SLC38A9: variants seen among roughly 807,000 people sequenced by gnomAD.
SLC38A9 encodes the protein neutral amino acid transporter 9.
In SLC38A9, 48 loss-of-function variants were observed where a neutral mutation model predicts 62.3. That is an observed-to-expected ratio of 0.77 (90% CI 0.61 to 0.98). SLC38A9 has a LOEUF of 0.98. Ranked by LOEUF, SLC38A9 falls within the 50% of genes least tolerant of loss-of-function variation. The pLI is 0.00. For synonymous variants in SLC38A9, 204 were observed against 227.7 expected (o/e 0.90, Z 0.94); for missense variants, 541 against 679.8 (o/e 0.80, Z 2.27).
rs1157691760 is a variant in SLC38A9, at chr5:55,651,248, C to CTTTTTTTT, written c.952+1273_952+1280dup. 4.6e-4 allele frequency among the ~76,000 whole-genome samples: 54 copies of CTTTTTTTT among 117,602 alleles called. 2 individuals are homozygous for CTTTTTTTT. Among genetic ancestry groups the CTTTTTTTT allele is most frequent in the African/African-American group, 1.7e-3 (52 of 30,680 alleles). 77.2% of individuals were successfully genotyped at this position (117,602 alleles called of 152,430 possible). A position where few individuals can be genotyped will look rare whatever the true frequency, so the allele number is the denominator to read the frequency against. On this transcript the variant is annotated intron_variant, in intron 10 of 15. Coordinates refer to ENST00000396865, the MANE Select transcript of SLC38A9 (RefSeq NM_173514.4). ...TCACTGGGGGGGTTCCTTTTGCCAT[C>CTTTTTTTT]TTTTTTTTTTTTTTTTTTTTAAGAC... is the stretch of plus-strand genomic sequence containing the variant.
intron 15 of SLC38A9, among the ~76,000 whole-genome samples, chr5:55,626,951 A>G (rs1195642437): frequency 6.6e-6 from 1 of 152,190 alleles, no homozygotes; most frequent in Non-Finnish European, 1.5e-5. Flanking sequence ...CTACTTCCTC[A>G]GAAACATCTG....
rs1751496032 is a variant in SLC38A9 at position 55,672,593 on chromosome 5, G to A, written c.216C>T (p.Ser72=). 6.2e-7 allele frequency: 1 copy of A among 1,614,080 alleles called. No homozygotes were observed. Among genetic ancestry groups the A allele is most frequent in the Non-Finnish European group, 8.5e-7 (1 of 1,180,018 alleles). Reference sequence around the variant, plus strand: ...CCTTGTCTGCAGGAGTGGTGAGCCGGCTGTAGTAATGAATTCTCTTGTTCA... The same window carrying A: ...CCTTGTCTGCAGGAGTGGTGAGCCGACTGTAGTAATGAATTCTCTTGTTCA... ...SAMNKRIHYY[S]RLTTPADKAL... The change falls in exon 4 of 16, where the codon AGC becomes AGT. Residue 72 remains serine, a synonymous_variant. Transcript: ENST00000396865.
intron 9 of SLC38A9, among the ~76,000 whole-genome samples, chr5:55,653,858 C>T (rs1747954043): frequency 6.6e-6 from 1 of 152,276 alleles, no homozygotes; most frequent in Middle Eastern, 3.4e-3. Context: ...GGGGTTTCAC[C>T]ATGCTGGCCA....
In SLC38A9 at chr5:55,669,037, C is replaced by A. The variant is rs1750881607; in HGVS notation, c.526+191G>T. 3 of 366,756 alleles carry A rather than the reference C, an allele frequency of 8.2e-6. No individual in the cohort carries two copies. The South Asian group carries it at 1.9e-4, about 23-fold the overall frequency. The allele number at this position is 366,756 out of a possible 1,614,324, so 22.7% of individuals were successfully genotyped here. On this transcript the variant is annotated intron_variant, in intron 7 of 15. Coordinates refer to ENST00000396865, the MANE Select transcript of SLC38A9 (RefSeq NM_173514.4). ...ACTCTGCAAATAACTCCCAGCTTCT[C>A]TGAATTTCAAAAGCAGCCACTAAAT...
chr5:55,679,224 T>C (rs1752661635), intron 3 of SLC38A9, among the ~76,000 whole-genome samples: 1 of 152,190 alleles, frequency 6.6e-6, no homozygotes, highest in Admixed American at 6.5e-5. Flanking sequence ...GTCTCATTTT[T>C]TTAAGATTGT....
intron 10 of SLC38A9, among the ~76,000 whole-genome samples, chr5:55,651,924 G>T (rs893808846): frequency 6.7e-6 from 1 of 149,556 alleles, no homozygotes; most frequent in Non-Finnish European, 1.5e-5. Flanking sequence ...GAATTGTTCA[G>T]TAAGTTTAGA....
chr5:55,689,620 C>T (rs989280179), intron 3 of SLC38A9, among the ~76,000 whole-genome samples: 9 of 152,090 alleles, frequency 5.9e-5, no homozygotes, highest in African/African-American at 1.9e-4. Flanking sequence ...CAATGCTAGC[C>T]CAACCCTTCA....
chr5:55,686,248 G>A (rs1753804961), intron 3 of SLC38A9, among the ~76,000 whole-genome samples: 1 of 152,158 alleles, frequency 6.6e-6, no homozygotes, highest in Non-Finnish European at 1.5e-5. Context: ...CACCAACAGT[G>A]TATAAGCCTT....
At chr5:55,678,717 C>T (rs534194086) in intron 3 of SLC38A9, among the ~76,000 whole-genome samples, 6 of 117,850 alleles carry the variant, frequency 5.1e-5, no homozygotes, top group Admixed American at 1.2e-4. Flanking sequence ...AGTGTAGTGG[C>T]GGTATGATCA....
intron 12 of SLC38A9, among the ~76,000 whole-genome samples, chr5:55,639,023 G>T (rs1271895444): frequency 1.3e-5 from 2 of 152,018 alleles, no homozygotes; most frequent in African/African-American, 4.8e-5. Flanking sequence ...TACGACAAAA[G>T]AATAGAAATG....
chr5:55,643,353 T>G (rs1426328998), intron 12 of SLC38A9, among the ~76,000 whole-genome samples: 1 of 152,142 alleles, frequency 6.6e-6, no homozygotes, highest in Non-Finnish European at 1.5e-5. Context: ...AATTTCTTTC[T>G]GTTATTGATT....
chr5:55,692,753 C>G (rs1347126192), intron 3 of SLC38A9: 9 of 985,216 alleles, frequency 9.1e-6, no homozygotes, highest in Non-Finnish European at 1.1e-5. Flanking sequence ...TAATGACTTA[C>G]ATTCTGTTGT....
chr5:55,709,814 C>T (rs183477480), intron 2 of SLC38A9, among the ~76,000 whole-genome samples: 72 of 151,910 alleles, frequency 4.7e-4, no homozygotes, highest in Non-Finnish European at 8.4e-4. Context: ...CGCCTGTAAT[C>T]CCAGCACTTT....
At chr5:55,678,974 A>C (rs928567337) in intron 3 of SLC38A9, among the ~76,000 whole-genome samples, 1 of 152,118 alleles carries the variant, frequency 6.6e-6, no homozygotes, top group African/African-American at 2.4e-5. Flanking sequence ...GTAAACTTTG[A>C]ATCAGTTTAA....
At chr5:55,699,584 C>A (rs1756377545) in intron 2 of SLC38A9, among the ~76,000 whole-genome samples, 1 of 151,858 alleles carries the variant, frequency 6.6e-6, no homozygotes, top group Admixed American at 6.6e-5. Context: ...AGAAACAGAC[C>A]CACAAGAACT....
At chr5:55,705,432 C>T (rs1367667351) in intron 2 of SLC38A9, among the ~76,000 whole-genome samples, 2 of 97,116 alleles carry the variant, frequency 2.1e-5, no homozygotes, top group Non-Finnish European at 4.3e-5. Flanking sequence ...GTATTACCTT[C>T]ATATTACAAA....
At chr5:55,627,797 T>C in intron 15 of SLC38A9, 94 bp downstream of exon 15, 1 of 766,130 alleles carries the variant, frequency 1.3e-6, no homozygotes, top group Non-Finnish European at 2.2e-6. Context: ...CATAGGAATT[T>C]CATACAATTA....
chr5:55,686,839 A>G (rs1321084588), intron 3 of SLC38A9, among the ~76,000 whole-genome samples: 1 of 152,124 alleles, frequency 6.6e-6, no homozygotes, highest in Non-Finnish European at 1.5e-5. Context: ...GTAAATGGCT[A>G]CTCAGTTATC....
intron 7 of SLC38A9, among the ~76,000 whole-genome samples, chr5:55,666,793 C>T (rs976880785): frequency 1.4e-5 from 2 of 143,282 alleles, no homozygotes; most frequent in African/African-American, 5.4e-5. Flanking sequence ...TTTGGGAGGC[C>T]GAGGCGGATG....
Sources: allele counts gnomAD v4.1 joint callset (sites outside exome capture counted in the v4.1 genomes callset), GRCh38; gene constraint gnomAD v4.1.1; transcripts MANE v1.5; gene names NCBI Gene and HGNC (gene_info 2026-07-23, HGNC 2026-07-21).